The following PDE4D variants were observed in gnomAD, a reference collection of about 807,000 sequenced individuals.
PDE4D encodes phosphodiesterase 4D.
PDE4D carries 24 observed loss-of-function variants against 87.4 expected under a neutral mutation model. That is an observed-to-expected ratio of 0.27 (90% confidence interval 0.20 to 0.39). The LOEUF is 0.39. PDE4D is among the 10% of genes least tolerant of loss of function. The pLI is 1.00. For missense variants in PDE4D, 714 were observed against 1,041.0 expected (o/e 0.69, Z 4.32); for synonymous variants, 384 against 383.2 (o/e 1.00, Z -0.02).
chr5:60,478,037 CACA>C (rs1285002459), intron 1 of PDE4D, among the ~76,000 whole-genome samples: 2 of 152,108 alleles, frequency 1.3e-5, no homozygotes, highest in Non-Finnish European at 1.5e-5. Flanking sequence ...CTGTTTGTTA[CACA>C]ACAATAGCTA....
chr5:60,322,392 AC>A lies in PDE4D; in HGVS notation c.-89-136706del, dbSNP rs1332531004. Among the ~76,000 whole-genome samples the A allele has an allele frequency of 5.3e-5, 8 of 151,180 alleles. No individual in the cohort carries two copies. The South Asian group carries it at 8.5e-4, about 16-fold the overall frequency. On this transcript the variant is annotated intron_variant, in intron 1 of 16. Coordinates refer to the PDE4D transcript ENST00000502484. ...TACACACACACACACACACACACACACACACACACACACACACACACACAAA... is the reference window on the plus strand; with the variant it reads ...TACACACACACACACACACACACACAACACACACACACACACACACACAAA...
chr5:60,515,234 T>C (rs1427259353), intron 1 of PDE4D, among the ~76,000 whole-genome samples: 1 of 152,166 alleles, frequency 6.6e-6, no homozygotes, highest in Non-Finnish European at 1.5e-5. Context: ...TAGGGCTATA[T>C]TGCCTCTTCT....
chr5:58,982,784 G>A (rs10042327), intron 11 of PDE4D, among the ~76,000 whole-genome samples: 8,179 of 152,196 alleles, frequency 0.054, 322 homozygotes, highest in South Asian at 0.086. Context: ...TGGCCACTTT[G>A]TTCTTAGCAT....
rs369217097 is a variant in PDE4D at position 59,864,325 on chromosome 5, A to C, written c.455+28843T>G. Among the ~76,000 whole-genome samples the C allele has an allele frequency of 1.4e-4, 22 of 152,200 alleles. 2 individuals are homozygous for C. The highest frequency in any genetic ancestry group is 1.3e-3 in the East Asian group (7 of 5,198). On this transcript the variant is annotated intron_variant, in intron 1 of 14. Transcript: ENST00000340635. ...AGTTCAAAAATATGACAATTTTTGC[A>C]ATTGAAATCGTAAATGTGTTGGCTA...
intron 1 of PDE4D, among the ~76,000 whole-genome samples, chr5:59,809,462 C>T (rs1768097018): frequency 6.6e-6 from 1 of 152,044 alleles, no homozygotes; most frequent in Non-Finnish European, 1.5e-5. Context: ...AGAAGAAAAT[C>T]AAGAAAAAGA....
chr5:59,656,761 G>A (rs969619709), intron 1 of PDE4D, among the ~76,000 whole-genome samples: 1 of 152,142 alleles, frequency 6.6e-6, no homozygotes, highest in Admixed American at 6.6e-5. Context: ...ATGGAATTGG[G>A]TGATTCTGCA....
Position 59,983,697 on chromosome 5 carries a change from T to A in PDE4D, c.272+4791A>T, listed in dbSNP as rs151183206. On this transcript the variant is annotated intron_variant, in intron 3 of 16. Transcript: ENST00000502484. ...CCAGAATGACCAAAATGAAAAAGACTGAAAATACTAAGTGTTGGTGAGAAT... is the reference window on the plus strand; with the variant it reads ...CCAGAATGACCAAAATGAAAAAGACAGAAAATACTAAGTGTTGGTGAGAAT... Among the ~76,000 whole-genome samples, 1,306 of 152,244 alleles carry A rather than the reference T, an allele frequency of 8.6e-3. 11 individuals carry two copies. The highest frequency in any genetic ancestry group is 0.017 in the Middle Eastern group (5 of 294).
At chr5:60,363,583 G>C (rs1200257589) in intron 1 of PDE4D, among the ~76,000 whole-genome samples, 2 of 152,180 alleles carry the variant, frequency 1.3e-5, no homozygotes, top group Admixed American at 1.3e-4. Flanking sequence ...ATTTTAATGA[G>C]AGGCAAATAA....
chr5:60,020,278 C>T (rs748013553), intron 2 of PDE4D, among the ~76,000 whole-genome samples: 12 of 151,848 alleles, frequency 7.9e-5, no homozygotes, highest in Non-Finnish European at 1.3e-4. Context: ...CACATAACAC[C>T]GTAACAAATA....
chr5:60,431,750 G>C (rs1212600343), intron 1 of PDE4D, among the ~76,000 whole-genome samples: 1 of 152,186 alleles, frequency 6.6e-6, no homozygotes, highest in Non-Finnish European at 1.5e-5. Context: ...GTAGCGAGCC[G>C]AGATCACACC....
chr5:59,086,055 A>G (rs572478559), intron 5 of PDE4D, among the ~76,000 whole-genome samples: 74 of 152,310 alleles, frequency 4.9e-4, no homozygotes, highest in Non-Finnish European at 9.8e-4. Context: ...TAAACAATCT[A>G]TTAACAATGT....
intron 1 of PDE4D, among the ~76,000 whole-genome samples, chr5:59,358,699 C>T (rs887096979): frequency 2.6e-5 from 4 of 151,754 alleles, no homozygotes; most frequent in Non-Finnish European, 4.4e-5. Flanking sequence ...GGAGGAGTCC[C>T]TAACAGCTGG....
chr5:59,606,240 A>G (rs1437244326), intron 1 of PDE4D, among the ~76,000 whole-genome samples: 1 of 144,956 alleles, frequency 6.9e-6, no homozygotes, highest in Non-Finnish European at 1.6e-5. Context: ...AAAAGAATAC[A>G]TTGTATTAAC....
At chr5:59,800,590 G>A (rs1395724246) in intron 1 of PDE4D, among the ~76,000 whole-genome samples, 1 of 152,082 alleles carries the variant, frequency 6.6e-6, no homozygotes, top group South Asian at 2.1e-4. Context: ...TCAGTATGAG[G>A]ACTTTGCTTC....
chr5:59,006,588 G>GA (rs71604771), intron 6 of PDE4D, among the ~76,000 whole-genome samples: 15,578 of 148,752 alleles, frequency 0.1, 1,029 homozygotes, highest in Non-Finnish European at 0.13. Context: ...TCTCAAAAAA[G>GA]AAAAAAAAAA....
chr5:60,231,884 G>A (rs1437548033), intron 1 of PDE4D, among the ~76,000 whole-genome samples: 1 of 151,924 alleles, frequency 6.6e-6, no homozygotes, highest in African/African-American at 2.4e-5. Context: ...TGAAACAGTT[G>A]CATAATAGTT....
intron 1 of PDE4D, among the ~76,000 whole-genome samples, chr5:59,756,504 A>C (rs1761232787): frequency 7.0e-6 from 1 of 142,452 alleles, no homozygotes; most frequent in Non-Finnish European, 1.5e-5. Flanking sequence ...TGTAAACCCA[A>C]AACATACACA....
At chr5:60,113,688 C>A (rs947989180) in intron 2 of PDE4D, among the ~76,000 whole-genome samples, 1 of 152,088 alleles carries the variant, frequency 6.6e-6, no homozygotes, top group African/African-American at 2.4e-5. Flanking sequence ...TCTCTTCGAC[C>A]CATTCACTTC....
At chr5:60,137,513 T>C (rs1387541474) in intron 2 of PDE4D, among the ~76,000 whole-genome samples, 2 of 152,164 alleles carry the variant, frequency 1.3e-5, no homozygotes, top group Admixed American at 6.5e-5. Context: ...TGGTATCTCA[T>C]TGTGGTTTTG....
Sources: gnomAD v4.1 joint callset for allele counts (sites outside exome capture counted in the v4.1 genomes callset) on GRCh38, gnomAD v4.1.1 for gene constraint, MANE v1.5 for transcripts, NCBI Gene and HGNC (gene_info 2026-07-23, HGNC 2026-07-21) for gene names.